Variants in WWOX observed in about 807,000 individuals in gnomAD.
WWOX encodes WW domain-containing oxidoreductase.
Under a neutral mutation model 46.2 loss-of-function variants are expected in WWOX, and 69 were observed. That is an observed-to-expected ratio of 1.49 (90% confidence interval 1.23 to 1.82). The LOEUF (loss-of-function observed/expected upper bound fraction) is 1.82. WWOX is among the 40% of genes most tolerant of loss of function. The pLI is 0.00. For missense variants in WWOX, 919 were observed against 542.6 expected (o/e 1.69, Z -6.89); for synonymous variants, 359 against 202.6 (o/e 1.77, Z -6.56).
intron 8 of WWOX, among the ~76,000 whole-genome samples, chr16:78,776,295 C>A (rs2050188042): frequency 6.6e-6 from 1 of 152,096 alleles, no homozygotes; most frequent in Non-Finnish European, 1.5e-5. Flanking sequence ...TTGGCTCTTA[C>A]TGGGCAGTAA....
At chr16:78,356,224 G>T (rs1597089471) in intron 5 of WWOX, among the ~76,000 whole-genome samples, 2 of 151,920 alleles carry the variant, frequency 1.3e-5, no homozygotes, top group South Asian at 4.2e-4. Flanking sequence ...GTATATTTGT[G>T]TGAATCATAT....
At chr16:78,377,753 A>T (rs551313138) in intron 5 of WWOX, among the ~76,000 whole-genome samples, 1 of 152,224 alleles carries the variant, frequency 6.6e-6, no homozygotes, top group African/African-American at 2.4e-5. Context: ...AATATTGCCA[A>T]TTACTGTCTA....
chr16:78,358,253 C>T (rs140381817), intron 5 of WWOX, among the ~76,000 whole-genome samples: 1 of 152,290 alleles, frequency 6.6e-6, no homozygotes, highest in African/African-American at 2.4e-5. Flanking sequence ...TCAGTAAATT[C>T]ATTCATGTAT....
intron 8 of WWOX, among the ~76,000 whole-genome samples, chr16:78,438,319 C>A (rs977377340): frequency 6.6e-6 from 1 of 152,150 alleles, no homozygotes; most frequent in South Asian, 2.1e-4. Flanking sequence ...CTTTCACTTG[C>A]TAATTGCAGC....
At chr16:78,493,601 C>T (rs370431167) in intron 8 of WWOX, among the ~76,000 whole-genome samples, 31 of 151,824 alleles carry the variant, frequency 2.0e-4, no homozygotes, top group East Asian at 9.7e-4. Context: ...TTAATGACAC[C>T]GCAAAAATGA....
At chr16:79,129,698 T>A (rs905558473) in intron 8 of WWOX, among the ~76,000 whole-genome samples, 1 of 152,202 alleles carries the variant, frequency 6.6e-6, no homozygotes. Context: ...TGCCTGGCAC[T>A]GTGCCTATGA....
intron 6 of WWOX, among the ~76,000 whole-genome samples, chr16:78,400,545 A>C (rs1655588616): frequency 6.6e-6 from 1 of 151,982 alleles, no homozygotes; most frequent in African/African-American, 2.4e-5. Flanking sequence ...AAAATCTTTG[A>C]GTTTCTGTGG....
At chr16:78,521,765 C>T (rs1442276090) in intron 8 of WWOX, among the ~76,000 whole-genome samples, 1 of 146,170 alleles carries the variant, frequency 6.8e-6, no homozygotes, top group African/African-American at 2.6e-5. Context: ...ATTTAGTCAA[C>T]ACTTTAACAC....
At chr16:78,237,321 T>A (rs2037474516) in intron 5 of WWOX, 1 of 152,200 alleles carries the variant, frequency 6.6e-6, no homozygotes, top group African/African-American at 2.4e-5. Flanking sequence ...TAATCTATTG[T>A]TTTTTGAAAG....
intron 8 of WWOX, among the ~76,000 whole-genome samples, chr16:78,775,348 C>G (rs867708933): frequency 6.6e-6 from 1 of 152,162 alleles, no homozygotes; most frequent in African/African-American, 2.4e-5. Flanking sequence ...CCTCCCCACC[C>G]CCACGAACAT....
intron 8 of WWOX, among the ~76,000 whole-genome samples, chr16:78,702,010 T>C (rs1358364652): frequency 1.1e-3 from 44 of 39,078 alleles, no homozygotes; most frequent in African/African-American, 5.3e-3. Context: ...CATAAAATTA[T>C]ATATATATAT....
At chr16:79,124,452 A>G (rs1380543854) in intron 8 of WWOX, among the ~76,000 whole-genome samples, 1 of 152,228 alleles carries the variant, frequency 6.6e-6, no homozygotes, top group East Asian at 1.9e-4. Flanking sequence ...GTTAAGGGAA[A>G]GGAAGACAGG....
chr16:78,917,292 A>G (rs2045274450), intron 8 of WWOX, among the ~76,000 whole-genome samples: 1 of 152,164 alleles, frequency 6.6e-6, no homozygotes, highest in African/African-American at 2.4e-5. Flanking sequence ...TCAAATCAGA[A>G]TTTCGTTATC....
chr16:78,254,191 G>C (rs920639100), intron 5 of WWOX, among the ~76,000 whole-genome samples: 4 of 151,382 alleles, frequency 2.6e-5, no homozygotes, highest in African/African-American at 9.7e-5. Context: ...CTGCCTGGTA[G>C]GTGGGACTAC....
intron 8 of WWOX, among the ~76,000 whole-genome samples, chr16:79,094,896 G>T (rs1395081470): frequency 6.6e-6 from 1 of 152,144 alleles, no homozygotes; most frequent in Non-Finnish European, 1.5e-5. Context: ...GCCCAAACCA[G>T]ATCAGCGTCG....
chr16:78,984,384 T>C (rs1359782001), intron 8 of WWOX, among the ~76,000 whole-genome samples: 1 of 152,188 alleles, frequency 6.6e-6, no homozygotes, highest in Non-Finnish European at 1.5e-5. Flanking sequence ...GTAAAATTAA[T>C]ATTTTATACT....
chr16:78,758,170 G>A (rs564773714), intron 8 of WWOX, among the ~76,000 whole-genome samples: 3 of 152,096 alleles, frequency 2.0e-5, no homozygotes, highest in Non-Finnish European at 4.4e-5. Flanking sequence ...CCATCGTAAA[G>A]GGAAGATCAA....
At chr16:78,761,637 T>C (rs1187650923) in intron 8 of WWOX, among the ~76,000 whole-genome samples, 1 of 152,168 alleles carries the variant, frequency 6.6e-6, no homozygotes, top group African/African-American at 2.4e-5. Context: ...GTTTGGGTTC[T>C]TTGTGACATC....
At chr16:78,558,273 C>T (rs1029496046) in intron 8 of WWOX, among the ~76,000 whole-genome samples, 1 of 152,210 alleles carries the variant, frequency 6.6e-6, no homozygotes, top group African/African-American at 2.4e-5. Flanking sequence ...ATCCTCGTTT[C>T]CCAGTCATAT....
Sources: allele counts gnomAD v4.1 joint callset (sites outside exome capture counted in the v4.1 genomes callset), GRCh38; gene constraint gnomAD v4.1.1; transcripts MANE v1.5; gene names NCBI Gene and HGNC (gene_info 2026-07-23, HGNC 2026-07-21).